The following ZNF280D variants were observed in gnomAD, a reference collection of about 807,000 sequenced individuals.
ZNF280D encodes the protein suppressor of hairy wing homolog 4.
Under a neutral mutation model 94.7 loss-of-function variants are expected in ZNF280D, and 39 were observed. That is an observed-to-expected ratio of 0.41 (90% CI 0.32 to 0.54). The LOEUF (loss-of-function observed/expected upper bound fraction) is 0.54, where lower values mean the gene tolerates loss of function less well. Ranked by LOEUF, ZNF280D falls within the 20% of genes least tolerant of loss-of-function variation. ZNF280D has a pLI of 0.22. For missense variants in ZNF280D, 1,090 were observed against 1,149.3 expected, an observed-to-expected ratio of 0.95 and a Z score of 0.75; for synonymous variants, 398 against 377.6, an observed-to-expected ratio of 1.05 and a Z score of -0.63.
intron 13 of ZNF280D, among the ~76,000 whole-genome samples, chr15:56,671,123 T>C (rs1158455159): frequency 1.3e-5 from 2 of 152,158 alleles, no homozygotes; most frequent in African/African-American, 4.8e-5. Flanking sequence ...ATTCTGTAAG[T>C]TGTCTGCTTA....
intron 19 of ZNF280D, among the ~76,000 whole-genome samples, chr15:56,644,646 T>C (rs1219014447): frequency 2.6e-5 from 4 of 152,142 alleles, no homozygotes; most frequent in African/African-American, 7.2e-5. Flanking sequence ...ATAAAAGAAA[T>C]ATCACCATGC....
chr15:56,723,349 G>C (rs1409248052), intron 1 of ZNF280D, among the ~76,000 whole-genome samples: 1 of 152,084 alleles, frequency 6.6e-6, no homozygotes, highest in Non-Finnish European at 1.5e-5. Flanking sequence ...ATGAAACTTT[G>C]AAAGTGAAAG....
At chr15:56,656,062 T>C (rs558264564) in intron 17 of ZNF280D, among the ~76,000 whole-genome samples, 1 of 152,288 alleles carries the variant, frequency 6.6e-6, no homozygotes, top group East Asian at 1.9e-4. Flanking sequence ...AACTGTAATA[T>C]TTTTCCTCTC....
At chr15:56,655,975 G>A (rs923128718) in intron 17 of ZNF280D, among the ~76,000 whole-genome samples, 3 of 152,106 alleles carry the variant, frequency 2.0e-5, no homozygotes, top group Non-Finnish European at 2.9e-5. Flanking sequence ...AGAATGCCCC[G>A]TGCCTCTTCT....
At chr15:56,637,278 T>A (rs1278313304) in intron 20 of ZNF280D, among the ~76,000 whole-genome samples, 1 of 151,260 alleles carries the variant, frequency 6.6e-6, no homozygotes, top group African/African-American at 2.4e-5. Flanking sequence ...GCTCAAGCAA[T>A]CCTCTCACCT....
At chr15:56,648,806 C>T (rs1025153284) in intron 19 of ZNF280D, among the ~76,000 whole-genome samples, 1 of 152,138 alleles carries the variant, frequency 6.6e-6, no homozygotes, top group African/African-American at 2.4e-5. Context: ...TAGAATCAAT[C>T]TTCTTGCTCA....
At chr15:56,712,244 A>C (rs2057798180) in intron 1 of ZNF280D, among the ~76,000 whole-genome samples, 1 of 152,240 alleles carries the variant, frequency 6.6e-6, no homozygotes, top group Admixed American at 6.5e-5. Context: ...CACACTGTTA[A>C]ATTACATACT....
At chr15:56,653,687 T>C in intron 19 of ZNF280D, 1 of 1,338,474 alleles carries the variant, frequency 7.5e-7, no homozygotes, top group Non-Finnish European at 9.6e-7. Flanking sequence ...TATAAGAAAT[T>C]AAGAAAGCAG....
intron 1 of ZNF280D, among the ~76,000 whole-genome samples, chr15:56,710,274 C>A (rs549276488): frequency 2.3e-3 from 351 of 152,222 alleles, no homozygotes; most frequent in African/African-American, 8.3e-3. Context: ...CGTGGTGGCA[C>A]ACGCCTGTAG....
intron 13 of ZNF280D, among the ~76,000 whole-genome samples, chr15:56,672,188 T>C (rs991847581): frequency 1.4e-4 from 22 of 152,148 alleles, no homozygotes; most frequent in African/African-American, 4.3e-4. Context: ...TTTTGCCTGA[T>C]TGCCCTGGCC....
At chr15:56,653,405 T>G in intron 19 of ZNF280D, 3 of 1,365,862 alleles carry the variant, frequency 2.2e-6, no homozygotes, top group Non-Finnish European at 2.8e-6. Flanking sequence ...ATCAGCCTTA[T>G]GGGAGGCCAG....
chr15:56,691,822 G>C (rs2056439908), intron 7 of ZNF280D, among the ~76,000 whole-genome samples: 1 of 152,144 alleles, frequency 6.6e-6, no homozygotes, highest in African/African-American at 2.4e-5. Context: ...AAATCCCTAA[G>C]TAGAGCAAGA....
At position 56,700,977 on chromosome 15, in the gene ZNF280D, T is replaced by C; in HGVS notation, c.337A>G (p.Arg113Gly). 6.2e-7 allele frequency: 1 copy of C among 1,613,926 alleles called. No homozygotes were observed. Among genetic ancestry groups the C allele is most frequent in the South Asian group, 1.1e-5 (1 of 91,072 alleles). The change falls in exon 6 of 22, where the codon AGA becomes GGA. Residue 113 changes from arginine (R) to glycine (G), a missense_variant. By Grantham distance (125) the Arg-to-Gly change is moderately radical. Coordinates refer to ENST00000267807, the MANE Select transcript of ZNF280D (RefSeq NM_017661.4). Reference protein sequence around the residue: ...ASPINFHPESRSSDSSVIVQP... With the variant: ...ASPINFHPESGSSDSSVIVQP... Reference sequence around the variant, plus strand: ...ACAATAACAGAACTATCTGAAGATCTAGACTCAGGATGAAAATTTATTGGT... The same window carrying C: ...ACAATAACAGAACTATCTGAAGATCCAGACTCAGGATGAAAATTTATTGGT...
Position 56,731,804 on chromosome 15 carries a change from TC to T in ZNF280D, c.-86+1653del, listed in dbSNP as rs560863622. 6.6e-5 allele frequency among the ~76,000 whole-genome samples: 10 copies of T among 152,248 alleles called. No individual in the cohort carries two copies. The East Asian group carries it at 1.9e-3, about 29-fold the overall frequency. On this transcript the variant is annotated intron_variant, in intron 1 of 21. Transcript: ENST00000267807. ...AAAAGGTAGCGTTAAAACTAAGTGTTCAAATGGGCTATTTAACTTTCCAATA... is the reference window on the plus strand; with the variant it reads ...AAAAGGTAGCGTTAAAACTAAGTGTTAAATGGGCTATTTAACTTTCCAATA...
At position 56,682,363 on chromosome 15, in the gene ZNF280D, C is replaced by G; in HGVS notation, c.895G>C (p.Val299Leu). ...TGTTTTCCATAATAAAAGTCATTAA[C>G]TAACATGATCAATTTTCCTTTCTCT... ...DSEKGKLIMLVNDFYYGKHEG... is the reference protein window; with the variant it reads ...DSEKGKLIMLLNDFYYGKHEG... Residue 299 changes from valine (V) to leucine (L), a missense_variant, in exon 10 of 22, where the codon GTT becomes CTT. By Grantham distance (32) the Val-to-Leu change is conservative. Transcript: ENST00000267807. 6.3e-7 allele frequency: 1 copy of G among 1,594,364 alleles called. No individual in the cohort carries two copies. Among genetic ancestry groups the G allele is most frequent in the Non-Finnish European group, 8.5e-7 (1 of 1,174,984 alleles).
chr15:56,693,684 T>G (rs151033817), intron 6 of ZNF280D, among the ~76,000 whole-genome samples: 2 of 151,982 alleles, frequency 1.3e-5, no homozygotes, highest in Non-Finnish European at 2.9e-5. Flanking sequence ...CATATTTACA[T>G]GACCAAAAAA....
intron 4 of ZNF280D, 38 bp from the exon 5 acceptor site, chr15:56,701,276 G>C: frequency 1.6e-6 from 2 of 1,285,056 alleles, no homozygotes; most frequent in South Asian, 1.4e-5. Context: ...TACATTGTTT[G>C]AATGAAATAC....
intron 20 of ZNF280D, among the ~76,000 whole-genome samples, chr15:56,638,678 G>GA (rs547404675): frequency 6.4e-4 from 97 of 151,554 alleles, no homozygotes; most frequent in African/African-American, 1.9e-3. Flanking sequence ...TTATTTTTCA[G>GA]AAAAAAAATG....
At chr15:56,680,854 A>G (rs2055567991) in intron 10 of ZNF280D, among the ~76,000 whole-genome samples, 1 of 152,278 alleles carries the variant, frequency 6.6e-6, no homozygotes, top group South Asian at 2.1e-4. Context: ...ACATAACCTC[A>G]TATTTCAGTA....
Sources: allele counts gnomAD v4.1 joint callset (sites outside exome capture counted in the v4.1 genomes callset), GRCh38; gene constraint gnomAD v4.1.1; transcripts MANE v1.5; gene names NCBI Gene and HGNC (gene_info 2026-07-23, HGNC 2026-07-21).